ANKS1B: variants seen among roughly 807,000 people sequenced by gnomAD.
ANKS1B encodes ankyrin repeat and sterile alpha motif domain containing 1B.
A neutral mutation model predicts 148.3 loss-of-function variants in ANKS1B; 36 were observed. The ratio of observed to expected loss-of-function variants is 0.24; its 90% CI spans 0.19 to 0.32. The LOEUF (loss-of-function observed/expected upper bound fraction) is 0.32, where lower values mean the gene tolerates loss of function less well. ANKS1B is among the 10% of genes least tolerant of loss of function. ANKS1B has a pLI of 1.00. For missense variants in ANKS1B, 1,157 were observed against 1,542.6 expected (o/e 0.75, Z 4.19); for synonymous variants, 542 against 560.8 (o/e 0.97, Z 0.47).
downstream of ANKS1B, among the ~76,000 whole-genome samples, chr12:98,740,180 C>A (rs1298169952): frequency 6.6e-6 from 1 of 152,152 alleles, no homozygotes; most frequent in African/African-American, 2.4e-5. Flanking sequence ...TCAACCCTGG[C>A]TACACTGACT....
intron 15 of ANKS1B, among the ~76,000 whole-genome samples, chr12:99,115,284 C>T (rs1485156533): frequency 6.6e-6 from 1 of 152,144 alleles, no homozygotes; most frequent in East Asian, 1.9e-4. Context: ...GAATACCATG[C>T]AGCCACAAAA....
At chr12:98,921,508 G>A (rs1483117832) in intron 17 of ANKS1B, among the ~76,000 whole-genome samples, 1 of 152,104 alleles carries the variant, frequency 6.6e-6, no homozygotes, top group Non-Finnish European at 1.5e-5. Context: ...AGCTCCGTGT[G>A]TTTTCTATAG....
chr12:99,655,027 A>G (rs764079916), intron 9 of ANKS1B, 40 bp downstream of exon 9: 67 of 1,526,686 alleles, frequency 4.4e-5, no homozygotes, highest in Non-Finnish European at 5.7e-5. Flanking sequence ...ATAGGCAACC[A>G]TTTTTGTTTT....
intron 14 of ANKS1B, among the ~76,000 whole-genome samples, chr12:99,240,441 T>A (rs902412831): frequency 6.6e-6 from 1 of 152,124 alleles, no homozygotes; most frequent in African/African-American, 2.4e-5. Flanking sequence ...CAAAGAGACA[T>A]AGACTCCCAT....
chr12:99,247,605 A>T (rs1365431308), intron 12 of ANKS1B, among the ~76,000 whole-genome samples: 1 of 152,230 alleles, frequency 6.6e-6, no homozygotes, highest in Non-Finnish European at 1.5e-5. Context: ...TGAAGATGTA[A>T]TGCAGAAAAG....
At chr12:99,101,149 AAG>A (rs1464810559) in intron 15 of ANKS1B, among the ~76,000 whole-genome samples, 1 of 152,164 alleles carries the variant, frequency 6.6e-6, no homozygotes, top group African/African-American at 2.4e-5. Context: ...CCAGCCTTGT[AAG>A]CGATGATGTG....
chr12:99,159,336 C>T (rs992516753), intron 14 of ANKS1B, among the ~76,000 whole-genome samples: 5 of 152,124 alleles, frequency 3.3e-5, no homozygotes, highest in Non-Finnish European at 5.9e-5. Context: ...AGGTACTCAG[C>T]ACAGTACCCA....
intron 3 of ANKS1B, among the ~76,000 whole-genome samples, chr12:99,810,936 G>A (rs2068276094): frequency 6.6e-6 from 1 of 151,890 alleles, no homozygotes. Flanking sequence ...TTCTGTGGAA[G>A]AGAAGAGCAT....
chr12:98,980,840 T>C (rs2153229152), intron 17 of ANKS1B, among the ~76,000 whole-genome samples: 1 of 152,178 alleles, frequency 6.6e-6, no homozygotes, highest in East Asian at 1.9e-4. Flanking sequence ...ATCCAAGCTG[T>C]TTTGGGTTAC....
chr12:99,806,445 C>A lies in ANKS1B; in HGVS notation c.628G>T (p.Val210Leu). Residue 210 changes from valine to leucine, a missense_variant, in exon 4 of 27, where the codon GTG (valine) becomes TTG (leucine). Around this residue, in one of 6 missense-constraint regions of ANKS1B, gnomAD observed 26 missense variants for 83.4 expected, o/e 0.31. Transcript: ENST00000683438. ...LAARNGHKAV[V>L]QVLLEAGMDV... ...ATTCCTGCCTCCAGCAGCACCTGCA[C>A]GACTGCTTTGTGGCCATTGCGCGCA... 6.2e-7 allele frequency: 1 copy of A among 1,613,992 alleles called. No individual in the cohort carries two copies. Among genetic ancestry groups the A allele is most frequent in the Non-Finnish European group, 8.5e-7 (1 of 1,179,878 alleles).
intron 1 of ANKS1B, among the ~76,000 whole-genome samples, chr12:99,892,782 G>A (rs1177371895): frequency 6.6e-6 from 1 of 152,154 alleles, no homozygotes; most frequent in Non-Finnish European, 1.5e-5. Flanking sequence ...GGTTCTCTGC[G>A]ATGAAGAATC....
chr12:98,978,869 C>A (rs945753166), intron 17 of ANKS1B, among the ~76,000 whole-genome samples: 2 of 152,002 alleles, frequency 1.3e-5, no homozygotes, highest in African/African-American at 4.8e-5. Flanking sequence ...GAGGGCCGGG[C>A]GCGGTGGCTC....
intron 9 of ANKS1B, among the ~76,000 whole-genome samples, chr12:99,612,450 T>G (rs1261535973): frequency 6.6e-6 from 1 of 152,086 alleles, no homozygotes; most frequent in East Asian, 1.9e-4. Context: ...TTAACATCTA[T>G]TGAAACTGAG....
chr12:99,524,540 TCTGA>T (rs1325497806), intron 9 of ANKS1B, among the ~76,000 whole-genome samples: 1 of 152,206 alleles, frequency 6.6e-6, no homozygotes, highest in Non-Finnish European at 1.5e-5. Flanking sequence ...ACACGAGGTA[TCTGA>T]CTGGCTGTCA....
At chr12:99,689,688 T>A (rs1352269226) in intron 8 of ANKS1B, among the ~76,000 whole-genome samples, 1 of 152,134 alleles carries the variant, frequency 6.6e-6, no homozygotes, top group Non-Finnish European at 1.5e-5. Context: ...AAGTTAGCAG[T>A]CATGCACTGA....
intron 17 of ANKS1B, among the ~76,000 whole-genome samples, chr12:99,027,704 G>A (rs1016277397): frequency 1.3e-5 from 2 of 152,240 alleles, no homozygotes; most frequent in Non-Finnish European, 2.9e-5. Flanking sequence ...ACAGAGACAT[G>A]CCATCAGACA....
At chr12:99,023,466 T>C (rs192747931) in intron 17 of ANKS1B, among the ~76,000 whole-genome samples, 2 of 152,098 alleles carry the variant, frequency 1.3e-5, no homozygotes, top group East Asian at 1.9e-4. Flanking sequence ...GTTCTTCTTC[T>C]TCCTCCTCCT....
intron 22 of ANKS1B, among the ~76,000 whole-genome samples, chr12:98,795,168 G>A (rs1291661211): frequency 4.6e-5 from 7 of 152,202 alleles, no homozygotes; most frequent in South Asian, 2.1e-4. Flanking sequence ...GGCTAGTGAT[G>A]TATAAAATAA....
At chr12:99,418,056 C>T (rs756113630) in intron 11 of ANKS1B, among the ~76,000 whole-genome samples, 1 of 152,144 alleles carries the variant, frequency 6.6e-6, no homozygotes, top group Non-Finnish European at 1.5e-5. Flanking sequence ...TATCACTGGG[C>T]CTGTTTCACA....
Sources: gnomAD v4.1 joint callset for allele counts (sites outside exome capture counted in the v4.1 genomes callset) on GRCh38, gnomAD v4.1.1 for gene constraint, gnomAD v4.1.1 regional missense constraint, MANE v1.5 for transcripts, NCBI Gene and HGNC (gene_info 2026-07-23, HGNC 2026-07-21) for gene names.